DZANK1: variants seen among roughly 807,000 people sequenced by gnomAD.
DZANK1 encodes double zinc ribbon and ankyrin repeat domains 1.
A neutral mutation model predicts 94.5 loss-of-function variants in DZANK1; 91 were observed. The observed-to-expected ratio is 0.96, with a 90% confidence interval of 0.81 to 1.15. DZANK1 has a LOEUF of 1.15. Ranked by LOEUF, DZANK1 falls within the 50% of genes most tolerant of loss-of-function variation. DZANK1 has a pLI of 0.00. For synonymous variants in DZANK1, 312 were observed against 325.3 expected, an observed-to-expected ratio of 0.96 and a Z score of 0.44; for missense variants, 903 against 916.4, an observed-to-expected ratio of 0.99 and a Z score of 0.19.
intron 13 of DZANK1, among the ~76,000 whole-genome samples, chr20:18,405,024 T>A (rs1297763351): frequency 6.6e-6 from 1 of 151,972 alleles, no homozygotes; most frequent in African/African-American, 2.4e-5. Context: ...TGAGACCCCA[T>A]CTCTACAAAA....
chr20:18,388,793 C>A (rs1294387981), intron 19 of DZANK1, among the ~76,000 whole-genome samples: 1 of 152,082 alleles, frequency 6.6e-6, no homozygotes, highest in African/African-American at 2.4e-5. Flanking sequence ...TAGTAAAATG[C>A]ATATAGAAAA....
At chr20:18,417,034 C>CAAAAAAAAA (rs55889297) in intron 10 of DZANK1, among the ~76,000 whole-genome samples, 2 of 139,926 alleles carry the variant, frequency 1.4e-5, no homozygotes, top group African/African-American at 2.6e-5. Flanking sequence ...CAAAAAAAAA[C>CAAAAAAAAA]AAAAAAAAAA....
chr20:18,409,308 G>T (rs547202147), intron 13 of DZANK1, among the ~76,000 whole-genome samples: 1 of 152,216 alleles, frequency 6.6e-6, no homozygotes, highest in African/African-American at 2.4e-5. Flanking sequence ...AGAGAGAGGT[G>T]ATTCCTAAGG....
chr20:18,459,698 C>T (rs1330411229), intron 3 of DZANK1, among the ~76,000 whole-genome samples: 1 of 151,976 alleles, frequency 6.6e-6, no homozygotes, highest in Non-Finnish European at 1.5e-5. Flanking sequence ...TAGCTAATGT[C>T]CAACAAGTTG....
At chr20:18,390,238 A>G in intron 18 of DZANK1, 141 bp downstream of exon 18, 1 of 737,270 alleles carries the variant, frequency 1.4e-6, no homozygotes, top group East Asian at 2.5e-5. Context: ...GCTTTTGACT[A>G]GCCATTCACT....
intron 15 of DZANK1, chr20:18,394,664 G>A (rs757644316): frequency 1.8e-6 from 1 of 569,440 alleles, no homozygotes; most frequent in Non-Finnish European, 3.4e-6. Context: ...GCATGTGGCT[G>A]TCCCAGTCAC....
chr20:18,394,266 T>G (rs1189936832), exon 16 of DZANK1: 2 of 1,613,438 alleles, frequency 1.2e-6, no homozygotes, highest in Non-Finnish European at 1.7e-6. Context: ...CAGCTGGACC[T>G]GCTGCCGCAC....
At chr20:18,393,941 T>A in intron 16 of DZANK1, 130 bp from the exon 17 acceptor site, 2 of 679,364 alleles carry the variant, frequency 2.9e-6, no homozygotes, top group Non-Finnish European at 4.9e-6. Flanking sequence ...TCTATTTGAT[T>A]AAACCCGGCA....
At chr20:18,438,681 A>T (rs2058622805) in intron 8 of DZANK1, among the ~76,000 whole-genome samples, 1 of 152,244 alleles carries the variant, frequency 6.6e-6, no homozygotes, top group African/African-American at 2.4e-5. Context: ...TCAGGCTGTG[A>T]TAACAAAACA....
chr20:18,462,756 GA>G (rs1467813097), intron 2 of DZANK1, among the ~76,000 whole-genome samples: 1 of 151,836 alleles, frequency 6.6e-6, no homozygotes, highest in Non-Finnish European at 1.5e-5. Flanking sequence ...AGCACTTTGG[GA>G]GGCCCAGGCA....
intron 9 of DZANK1, 159 bp downstream of exon 9, chr20:18,433,493 G>T: frequency 1.6e-6 from 1 of 616,288 alleles, no homozygotes; most frequent in South Asian, 1.9e-5. Context: ...AGTGAGCTGA[G>T]ATTGCGCTAC....
chr20:18,409,551 TACACAC>T (rs71194238), intron 13 of DZANK1, among the ~76,000 whole-genome samples: 22 of 142,592 alleles, frequency 1.5e-4, no homozygotes, highest in South Asian at 2.4e-4. Flanking sequence ...GTAATATGAA[TACACAC>T]ACACACACAC....
At chr20:18,424,480 AAAAAG>A (rs1244840962) in intron 10 of DZANK1, among the ~76,000 whole-genome samples, 3,488 of 149,130 alleles carry the variant, frequency 0.023, 54 homozygotes, top group African/African-American at 0.044. Context: ...AAAAAAAAAA[AAAAAG>A]AAAAGAAAAG....
intron 14 of DZANK1, chr20:18,398,252 T>C: frequency 2.3e-6 from 1 of 434,952 alleles, no homozygotes; most frequent in Non-Finnish European, 4.2e-6. Flanking sequence ...TCATTCTGAC[T>C]GTTAGAATTT....
chr20:18,395,857 G>A (rs139388567), intron 15 of DZANK1, among the ~76,000 whole-genome samples: 3 of 152,220 alleles, frequency 2.0e-5, no homozygotes, highest in Non-Finnish European at 4.4e-5. Flanking sequence ...GCATTAGCTC[G>A]TTAGATACTC....
At chr20:18,386,847 GA>G (rs1196394143) in intron 19 of DZANK1, among the ~76,000 whole-genome samples, 1 of 152,154 alleles carries the variant, frequency 6.6e-6, no homozygotes, top group African/African-American at 2.4e-5. Flanking sequence ...TACCCTTGTG[GA>G]ATTTCAGAAC....
At chr20:18,392,766 G>A (rs1252232720) in intron 17 of DZANK1, among the ~76,000 whole-genome samples, 2 of 151,764 alleles carry the variant, frequency 1.3e-5, no homozygotes, top group Non-Finnish European at 2.9e-5. Context: ...AAGACTGAAA[G>A]TAGATGAAAT....
chr20:18,453,689 G>C (rs535832486), intron 5 of DZANK1, 42 bp downstream of exon 5: 1 of 1,431,194 alleles, frequency 7.0e-7, no homozygotes, highest in African/African-American at 1.4e-5. Flanking sequence ...TCTTCGGTGG[G>C]TTCAGAATAC....
At chr20:18,408,966 C>G (rs1568916520) in intron 13 of DZANK1, among the ~76,000 whole-genome samples, 1 of 151,998 alleles carries the variant, frequency 6.6e-6, no homozygotes. Flanking sequence ...CTTTTTAAGA[C>G]AGTACAATAA....
Sources: gnomAD v4.1 joint callset for allele counts (sites outside exome capture counted in the v4.1 genomes callset) on GRCh38, gnomAD v4.1.1 for gene constraint, MANE v1.5 for transcripts, NCBI Gene and HGNC (gene_info 2026-07-23, HGNC 2026-07-21) for gene names.